EREG: variants seen among roughly 807,000 people sequenced by gnomAD.
The protein encoded by EREG is proepiregulin.
A neutral mutation model predicts 22.4 loss-of-function variants in EREG; 23 were observed. The observed-to-expected ratio is 1.03, with a 90% confidence interval of 0.74 to 1.46. EREG has a LOEUF of 1.46. Among genes scored for constraint, EREG ranks in the 40% most tolerant of loss-of-function variants. The pLI is 0.00. For synonymous variants in EREG, 100 were observed against 75.4 expected, an observed-to-expected ratio of 1.33 and a Z score of -1.69; for missense variants, 226 against 205.9, an observed-to-expected ratio of 1.10 and a Z score of -0.60.
chr4:74,373,124 C>A (rs1461438178), intron 1 of EREG, among the ~76,000 whole-genome samples: 1 of 151,790 alleles, frequency 6.6e-6, no homozygotes, highest in Non-Finnish European at 1.5e-5. Context: ...TATTCTCCTG[C>A]ATTCTGGAAA....
At chr4:74,372,950 G>A (rs903582386) in intron 1 of EREG, among the ~76,000 whole-genome samples, 95 of 147,578 alleles carry the variant, frequency 6.4e-4, no homozygotes, top group African/African-American at 2.2e-3. Context: ...TGGGACCACA[G>A]GCGCCCACCA....
In EREG at chr4:74,387,691, T is replaced by C. The variant is rs941068012; in HGVS notation, c.*2883T>C. On this transcript the variant is annotated 3_prime_UTR_variant, in exon 5 of 5. Coordinates refer to ENST00000244869, the MANE Select transcript of EREG (RefSeq NM_001432.3). ...GGAAGATTTTAGTTCACACTTAGTC[T>C]AACTCCCCCATTTTACAGATTTCTC... 1 of 152,182 alleles carries C rather than the reference T, an allele frequency of 6.6e-6. No homozygotes were observed. Among genetic ancestry groups the C allele is most frequent in the Non-Finnish European group, 1.5e-5 (1 of 68,024 alleles). 9.4% of individuals were successfully genotyped at this position (152,182 alleles called of 1,614,324 possible).
At chr4:74,384,458 T>C (rs1752534186) in intron 4 of EREG, among the ~76,000 whole-genome samples, 2 of 152,190 alleles carry the variant, frequency 1.3e-5, no homozygotes. Flanking sequence ...ACACGCCTCT[T>C]GGAATTTCAC....
At chr4:74,380,100 A>AG (rs1271196676) in intron 2 of EREG, among the ~76,000 whole-genome samples, 1 of 152,170 alleles carries the variant, frequency 6.6e-6, no homozygotes, top group Non-Finnish European at 1.5e-5. Context: ...ATATGGTCCA[A>AG]GGGGGATCAG....
At chr4:74,371,073 G>A (rs538123959) in intron 1 of EREG, among the ~76,000 whole-genome samples, 1 of 152,230 alleles carries the variant, frequency 6.6e-6, no homozygotes, top group Non-Finnish European at 1.5e-5. Flanking sequence ...AACCATCATA[G>A]TCTCCAGACA....
At chr4:74,372,559 T>C (rs1752308645) in intron 1 of EREG, among the ~76,000 whole-genome samples, 1 of 152,196 alleles carries the variant, frequency 6.6e-6, no homozygotes, top group African/African-American at 2.4e-5. Context: ...TTTGGAATAA[T>C]AATGTAAGAA....
rs75511798 is a variant in EREG at position 74,380,010 on chromosome 4, T to G, written c.154+476T>G. 6.1e-3 allele frequency among the ~76,000 whole-genome samples: 934 copies of G among 152,346 alleles called. 12 individuals carry two copies. Among genetic ancestry groups the G allele is most frequent in the African/African-American group, 0.021 (870 of 41,574 alleles). ...GAAAACATTTATCGAGTATGTAGTA[T>G]GCACCAAACGCTGTGCTAAGGCATA... On this transcript the variant is annotated intron_variant, in intron 2 of 4. Coordinates refer to ENST00000244869, the MANE Select transcript of EREG (RefSeq NM_001432.3).
intron 4 of EREG, 148 bp from the exon 5 acceptor site, chr4:74,384,579 T>C (rs777066109): frequency 8.0e-5 from 37 of 464,868 alleles, no homozygotes; most frequent in Non-Finnish European, 7.7e-6. Context: ...TCTTTTTTTT[T>C]TTTTTTTTAA....
chr4:74,372,510 C>G, intron 1 of EREG, among the ~76,000 whole-genome samples: 1 of 152,206 alleles, frequency 6.6e-6, no homozygotes, highest in Non-Finnish European at 1.5e-5. Flanking sequence ...ATTGCAGACA[C>G]TTATAGTCCA....
At chr4:74,367,565 A>G (rs1358462511) in intron 1 of EREG, among the ~76,000 whole-genome samples, 1 of 152,178 alleles carries the variant, frequency 6.6e-6, no homozygotes, top group Admixed American at 6.5e-5. Flanking sequence ...CCTGAATGAC[A>G]TCTCCAAGAT....
At position 74,365,880 on chromosome 4, in the gene EREG, C is replaced by T. The variant is rs147922295; in HGVS notation, c.67+505C>T. On this transcript the variant is annotated intron_variant, in intron 1 of 4. Coordinates refer to ENST00000244869, the MANE Select transcript of EREG (RefSeq NM_001432.3). ...TAGCTTTCCCGGAGGAGCTGGTATGCGCCAGTGCCAGTTGGCTGAGCTCCA... is the reference window on the plus strand; with the variant it reads ...TAGCTTTCCCGGAGGAGCTGGTATGTGCCAGTGCCAGTTGGCTGAGCTCCA... 2.6e-4 allele frequency among the ~76,000 whole-genome samples: 39 copies of T among 152,184 alleles called. 1 individual carries two copies. The East Asian group carries it at 7.0e-3, about 27-fold the overall frequency.
At chr4:74,383,791 A>T (rs1752521564) in intron 4 of EREG, among the ~76,000 whole-genome samples, 2 of 152,188 alleles carry the variant, frequency 1.3e-5, no homozygotes, top group Admixed American at 1.3e-4. Flanking sequence ...ATCAAATAAT[A>T]ATGCCTTCCT....
At chr4:74,369,925 C>T (rs78271241) in intron 1 of EREG, among the ~76,000 whole-genome samples, 1,711 of 151,938 alleles carry the variant, frequency 0.011, 16 homozygotes, top group South Asian at 0.03. Flanking sequence ...AAAATTAGAG[C>T]TGTCATCATA....
chr4:74,386,133 T>C lies in EREG; in HGVS notation c.*1325T>C, dbSNP rs935578136. ...GTTAATAGGAGTATTTTTGGGCTAT[T>C]GCATAAGGAGCCACTGCTGCCACCA... On this transcript the variant is annotated 3_prime_UTR_variant, in exon 5 of 5. Coordinates refer to ENST00000244869, the MANE Select transcript of EREG (RefSeq NM_001432.3). 7 of 267,528 alleles carry C rather than the reference T, an allele frequency of 2.6e-5. No homozygotes were observed. The highest frequency in any genetic ancestry group is 1.5e-4 in the African/African-American group (7 of 45,894). 16.6% of individuals were successfully genotyped at this position (267,528 alleles called of 1,614,324 possible).
chr4:74,376,608 A>T (rs2110386645), intron 1 of EREG, among the ~76,000 whole-genome samples: 1 of 152,334 alleles, frequency 6.6e-6, no homozygotes, highest in South Asian at 2.1e-4. Flanking sequence ...TTTCTTTGTC[A>T]TTCAACAAAA....
intron 4 of EREG, 114 bp downstream of exon 4, chr4:74,382,908 C>A: frequency 1.3e-6 from 1 of 754,678 alleles, no homozygotes; most frequent in Non-Finnish European, 2.1e-6. Context: ...CAAACCTGTA[C>A]AAATGATATT....
In EREG at chr4:74,365,241, C is replaced by T. The variant is rs1203096027; in HGVS notation, c.-68C>T. 7.5e-6 allele frequency: 10 copies of T among 1,335,114 alleles called. No individual in the cohort carries two copies. The Middle Eastern group carries it at 6.7e-4, about 89-fold the overall frequency. The allele number at this position is 1,335,114 out of a possible 1,614,324, so 82.7% of individuals were successfully genotyped here. A position where few individuals can be genotyped will look rare whatever the true frequency, so the allele number is the denominator to read the frequency against. On this transcript the variant is annotated 5_prime_UTR_variant, in exon 1 of 5. Transcript: ENST00000244869. ...CCAGCCACTGCCGCGAGCCCGTCTG[C>T]TCCCGCCCTGCCCGTGCACTCTCCG...
intron 1 of EREG, among the ~76,000 whole-genome samples, chr4:74,366,333 T>C (rs1038786649): frequency 6.6e-6 from 1 of 152,186 alleles, no homozygotes; most frequent in Admixed American, 6.5e-5. Flanking sequence ...ACTCTAACTC[T>C]ACCTGTGAAG....
At chr4:74,374,576 T>C (rs1273248959) in intron 1 of EREG, among the ~76,000 whole-genome samples, 3 of 152,182 alleles carry the variant, frequency 2.0e-5, no homozygotes, top group Non-Finnish European at 2.9e-5. Flanking sequence ...AAGGTCAAAA[T>C]AAACCGTATG....
Sources: allele counts gnomAD v4.1 joint callset (sites outside exome capture counted in the v4.1 genomes callset), GRCh38; gene constraint gnomAD v4.1.1; transcripts MANE v1.5; gene names NCBI Gene and HGNC (gene_info 2026-07-23, HGNC 2026-07-21).